The following USH2A variants were observed in gnomAD, a reference collection of about 807,000 sequenced individuals.
The protein encoded by USH2A is usherin.
A neutral mutation model predicts 538.9 loss-of-function variants in USH2A; 443 were observed. The observed-to-expected ratio is 0.82, with a 90% CI of 0.76 to 0.89. USH2A has a LOEUF of 0.89. Among genes scored for constraint, USH2A ranks in the 40% least tolerant of loss-of-function variants. USH2A has a pLI of 0.00. For missense variants in USH2A, 6,633 were observed against 6,324.8 expected (o/e 1.05, Z -1.65); for synonymous variants, 2,413 against 2,273.5 (o/e 1.06, Z -1.75).
chr1:216,068,283 G>A (rs940262836), intron 30 of USH2A, among the ~76,000 whole-genome samples: 4 of 152,172 alleles, frequency 2.6e-5, no homozygotes, highest in Non-Finnish European at 5.9e-5. Context: ...GCAATAGCTG[G>A]GAGTTTGGAC....
intron 21 of USH2A, among the ~76,000 whole-genome samples, chr1:216,118,615 A>C (rs2033061965): frequency 6.6e-6 from 1 of 152,232 alleles, no homozygotes. Flanking sequence ...AAAAGACATG[A>C]TCGCCACTCC....
At chr1:216,337,957 C>T (rs184851507) in intron 4 of USH2A, among the ~76,000 whole-genome samples, 240 of 150,640 alleles carry the variant, frequency 1.6e-3, no homozygotes, top group Non-Finnish European at 2.7e-3. Flanking sequence ...TATATTTATC[C>T]CTTTTATTAT....
chr1:215,860,469 C>CA (rs1558131722), intron 44 of USH2A, among the ~76,000 whole-genome samples: 8 of 151,966 alleles, frequency 5.3e-5, no homozygotes, highest in East Asian at 1.9e-4. Context: ...ATTAGGTTGG[C>CA]GCAAAGTAGT....
At chr1:215,893,816 A>G (rs1379851090) in intron 40 of USH2A, among the ~76,000 whole-genome samples, 1 of 152,168 alleles carries the variant, frequency 6.6e-6, no homozygotes, top group Admixed American at 6.5e-5. Context: ...TGATTAATCA[A>G]TCCATCCTTT....
intron 30 of USH2A, among the ~76,000 whole-genome samples, chr1:216,057,259 A>G (rs565421427): frequency 6.6e-6 from 1 of 152,220 alleles, no homozygotes; most frequent in Non-Finnish European, 1.5e-5. Context: ...ACCTAATGAA[A>G]TCTTTCTACA....
At chr1:216,077,996 T>G in intron 27 of USH2A, 93 bp downstream of exon 27, 1 of 1,502,854 alleles carries the variant, frequency 6.7e-7, no homozygotes, top group Non-Finnish European at 9.2e-7. Flanking sequence ...GCTTTTAGCC[T>G]GAGTCTATTG....
chr1:215,672,361 C>G (rs539180422), intron 63 of USH2A, among the ~76,000 whole-genome samples: 28 of 152,152 alleles, frequency 1.8e-4, no homozygotes, highest in African/African-American at 6.7e-4. Context: ...TCTCTTCCAC[C>G]TTTTTGCTTT....
rs145359892 is a variant in USH2A at position 215,735,358 on chromosome 1, A to G, written c.11711+6017T>C. Among the ~76,000 whole-genome samples, 1,150 of 152,326 alleles carry G rather than the reference A, an allele frequency of 7.5e-3. 22 individuals are homozygous for G. The highest frequency in any genetic ancestry group is 0.026 in the African/African-American group (1,080 of 41,572). ...TTTTAGTTACCTAGTTAACAAATTT[A>G]TAACTACTTACTAATTATTTATATT... On this transcript the variant is annotated intron_variant, in intron 60 of 71. Transcript: ENST00000307340.
In USH2A at chr1:216,084,723, A is replaced by G. The variant is rs143546878; in HGVS notation, c.5142T>C (p.Asn1714=). 1,024 of 1,613,344 alleles carry G rather than the reference A, an allele frequency of 6.3e-4. 9 individuals carry two copies. The East Asian group carries it at 0.017, about 27-fold the overall frequency. Residue 1714 remains asparagine (N), a synonymous_variant, in exon 25 of 72, where the codon AAT becomes AAC. Coordinates refer to ENST00000307340, the MANE Select transcript of USH2A (RefSeq NM_206933.4). ...CTGCTCCTAGGAACTGAGCTCCCTC[A>G]TTTAATGAAGCGGGACATCCCTCCC... The part of the protein sequence containing the change: ...NSWEGCPASL[N]EGAQFLGAGF...
At chr1:215,740,920 C>G (rs983477614) in intron 60 of USH2A, among the ~76,000 whole-genome samples, 2 of 152,278 alleles carry the variant, frequency 1.3e-5, no homozygotes, top group South Asian at 4.2e-4. Context: ...CTGTGAGTAT[C>G]TAATGCCACC....
At chr1:216,319,964 A>G (rs2037575032) in intron 9 of USH2A, among the ~76,000 whole-genome samples, 1 of 152,206 alleles carries the variant, frequency 6.6e-6, no homozygotes, top group African/African-American at 2.4e-5. Flanking sequence ...AGATGTTCAC[A>G]AGTCATACAT....
Position 216,250,902 on chromosome 1 carries a change from C to T in USH2A, c.2167+1G>A, listed in dbSNP as rs2102551610. On this transcript the variant is annotated splice_donor_variant, in intron 12 of 71. Coordinates refer to ENST00000307340, the MANE Select transcript of USH2A (RefSeq NM_206933.4). LOFTEE classifies it high-confidence loss of function. ...ACTGTAAACTTTTGCGTTACACGTA[C>T]CAATAACGTTTGCTTTGCACTTGCA... 6.2e-7 allele frequency: 1 copy of T among 1,613,836 alleles called. No homozygotes were observed. Among genetic ancestry groups the T allele is most frequent in the Non-Finnish European group, 8.5e-7 (1 of 1,179,916 alleles).
chr1:216,182,162 T>C (rs2034507134), intron 20 of USH2A, among the ~76,000 whole-genome samples: 3 of 152,122 alleles, frequency 2.0e-5, no homozygotes, highest in African/African-American at 7.2e-5. Context: ...ATACAGTTTG[T>C]ATTTTCCTAA....
intron 44 of USH2A, among the ~76,000 whole-genome samples, chr1:215,858,066 G>A (rs1664219148): frequency 6.6e-6 from 1 of 152,090 alleles, no homozygotes; most frequent in African/African-American, 2.4e-5. Context: ...GAATGTTTGA[G>A]TTACAGTTAT....
rs767487401 is a variant in USH2A, at chr1:215,779,958, C to T, written c.10824G>A (p.Leu3608=). The T allele has an allele frequency of 1.9e-6, 3 of 1,614,036 alleles. No individual in the cohort carries two copies. The highest frequency in any genetic ancestry group is 2.7e-5 in the African/African-American group (2 of 74,914). The change falls in exon 55 of 72, where the codon CTG becomes CTA. Residue 3608 remains leucine, a synonymous_variant. Coordinates refer to ENST00000307340, the MANE Select transcript of USH2A (RefSeq NM_206933.4). ...TTGATTTCTCAGGGACACTCCAGCTCAGATGCAGAGCCACTGCACTTAGGG... is the reference window on the plus strand; with the variant it reads ...TTGATTTCTCAGGGACACTCCAGCTTAGATGCAGAGCCACTGCACTTAGGG... ...ITALSAVALH[L]SWSVPEKSNG...
chr1:216,085,094 G>A, intron 24 of USH2A: 1 of 532,134 alleles, frequency 1.9e-6, no homozygotes, highest in Non-Finnish European at 3.3e-6. Context: ...CATATCTGCA[G>A]AAACAGATGT....
chr1:216,243,679 G>A (rs2035977973), intron 13 of USH2A, among the ~76,000 whole-genome samples: 1 of 152,192 alleles, frequency 6.6e-6, no homozygotes, highest in Admixed American at 6.5e-5. Flanking sequence ...CTGTAGAGAA[G>A]GACAGGGGAA....
chr1:215,728,488 T>A lies in USH2A; in HGVS notation c.11712-104A>T, dbSNP rs58156538. 9.9e-3 allele frequency: 11,254 copies of A among 1,132,070 alleles called. 603 individuals carry two copies. The African/African-American group carries it at 0.13, about 13-fold the overall frequency. 70.1% of individuals were successfully genotyped at this position (1,132,070 alleles called of 1,614,324 possible). A position where few individuals can be genotyped will look rare whatever the true frequency, so the allele number is the denominator to read the frequency against. On this transcript the variant is annotated intron_variant, in intron 60 of 71. Transcript: ENST00000307340. ...TTTTAGAATTTGTTATCAACTTAACTTTTCAGCTGTTTCTTCCTGGTGTCA... is the reference window on the plus strand; with the variant it reads ...TTTTAGAATTTGTTATCAACTTAACATTTCAGCTGTTTCTTCCTGGTGTCA...
Position 215,926,382 on chromosome 1 carries a change from A to C in USH2A, c.7300+8234T>G, listed in dbSNP as rs115845011. On this transcript the variant is annotated intron_variant, in intron 38 of 71. Coordinates refer to ENST00000307340, the MANE Select transcript of USH2A (RefSeq NM_206933.4). ...CTGAAGGAGAAAAATAAGTTCACTG[A>C]GCAAGTTATGCCACAAATCTCAGAC... Among the ~76,000 whole-genome samples, 1,052 of 152,232 alleles carry C rather than the reference A, an allele frequency of 6.9e-3. 6 individuals carry two copies. The highest frequency in any genetic ancestry group is 0.024 in the African/African-American group (984 of 41,548).
Sources: allele counts gnomAD v4.1 joint callset (sites outside exome capture counted in the v4.1 genomes callset), GRCh38; gene constraint gnomAD v4.1.1; transcripts MANE v1.5; gene names NCBI Gene and HGNC (gene_info 2026-07-23, HGNC 2026-07-21).